VPS13B: variants seen among roughly 807,000 people sequenced by gnomAD.
VPS13B encodes vacuolar protein sorting 13 homolog B.
Under a neutral mutation model 426.4 loss-of-function variants are expected in VPS13B, and 285 were observed. That is an observed-to-expected ratio of 0.67 (90% CI 0.61 to 0.74). VPS13B has a LOEUF of 0.74. Among genes scored for constraint, VPS13B ranks in the 30% least tolerant of loss-of-function variants. The pLI is 0.00. For synonymous variants in VPS13B, 1,676 were observed against 1,676.4 expected, an observed-to-expected ratio of 1.00 and a Z score of 0.01; for missense variants, 4,537 against 4,782.6, an observed-to-expected ratio of 0.95 and a Z score of 1.51.
At chr8:99,225,328 G>A (rs1017820243) in intron 17 of VPS13B, among the ~76,000 whole-genome samples, 1 of 151,486 alleles carries the variant, frequency 6.6e-6, no homozygotes, top group Non-Finnish European at 1.5e-5. Context: ...CGCCCAGGCT[G>A]GAGTGCAGTG....
chr8:99,575,579 A>T (rs1825738418), intron 31 of VPS13B, 79 bp from the exon 32 acceptor site: 23 of 1,579,684 alleles, frequency 1.5e-5, no homozygotes, highest in Non-Finnish European at 1.9e-5. Context: ...TGTTTGTAGT[A>T]CAAAGACTTG....
chr8:99,267,898 A>G (rs1480634614), intron 17 of VPS13B, among the ~76,000 whole-genome samples: 1 of 152,044 alleles, frequency 6.6e-6, no homozygotes, highest in Non-Finnish European at 1.5e-5. Context: ...ATCACAGGCC[A>G]GGAGGTCTAG....
intron 35 of VPS13B, among the ~76,000 whole-genome samples, chr8:99,693,232 G>A (rs1041506376): frequency 2.6e-5 from 4 of 151,004 alleles, no homozygotes; most frequent in African/African-American, 4.9e-5. Context: ...GCCGGGCAGA[G>A]ACACAACCAA....
intron 7 of VPS13B, among the ~76,000 whole-genome samples, chr8:99,117,563 T>C (rs1380659953): frequency 2.6e-5 from 4 of 152,174 alleles, no homozygotes; most frequent in Non-Finnish European, 5.9e-5. Context: ...AACTGATGAA[T>C]GGATTATCAA....
intron 2 of VPS13B, among the ~76,000 whole-genome samples, chr8:99,034,675 T>G (rs1394831011): frequency 1.3e-5 from 2 of 152,196 alleles, no homozygotes; most frequent in Non-Finnish European, 2.9e-5. Flanking sequence ...TGTTAATTTT[T>G]GGGCTGGTTT....
chr8:99,672,111 T>A (rs965398703), intron 35 of VPS13B, among the ~76,000 whole-genome samples: 10 of 152,214 alleles, frequency 6.6e-5, no homozygotes, highest in African/African-American at 2.4e-4. Context: ...CAGGGTCTTT[T>A]ATGGTTCCAC....
intron 13 of VPS13B, among the ~76,000 whole-genome samples, chr8:99,145,694 A>G (rs1175476321): frequency 6.6e-6 from 1 of 152,210 alleles, no homozygotes; most frequent in Non-Finnish European, 1.5e-5. Context: ...GTATACATAT[A>G]CTATAGTTTG....
rs112785599 is a variant in VPS13B at position 99,853,854 on chromosome 8, A to G, written c.10465A>G (p.Ser3489Gly). ...TTGCATCACCTTAAATGAAGGCAAG[A>G]GCATCCTCTGTGATATTAATGAGTT... ...KLCITLNEGK[S>G]ILCDINEFSF... The change falls in exon 56 of 62, where the codon AGC becomes GGC. Residue 3489 changes from serine to glycine, a missense_variant. Ser to Gly is a moderately conservative substitution (Grantham distance 56). This residue lies in a region of VPS13B where 4,311 missense variants were observed against 4,474.3 expected (regional missense o/e 0.96). Transcript: ENST00000357162. 6.2e-7 allele frequency: 1 copy of G among 1,614,244 alleles called. No homozygotes were observed. The highest frequency in any genetic ancestry group is 8.5e-7 in the Non-Finnish European group (1 of 1,180,050).
chr8:99,118,964 A>G (rs1054018223), intron 7 of VPS13B, among the ~76,000 whole-genome samples: 4 of 152,270 alleles, frequency 2.6e-5, no homozygotes, highest in East Asian at 3.9e-4. Context: ...ACTTTTTTCA[A>G]TGTGGTTGTA....
At position 99,111,596 on chromosome 8, in the gene VPS13B, G is replaced by A. The variant is rs72670283; in HGVS notation, c.762+317G>A. On this transcript the variant is annotated intron_variant, in intron 6 of 61. Transcript: ENST00000357162. ...AAAAGGTATATTTATACCCACAGTG[G>A]ACTGCATATCAGTATTCTGTATTTC... is the stretch of plus-strand genomic sequence containing the variant. Among the ~76,000 whole-genome samples, 770 of 151,950 alleles carry A rather than the reference G, an allele frequency of 5.1e-3. 4 individuals are homozygous for A. Among genetic ancestry groups the A allele is most frequent in the Non-Finnish European group, 8.2e-3 (554 of 67,930 alleles).
intron 34 of VPS13B, 127 bp from the exon 35 acceptor site, chr8:99,661,227 T>C (rs1830211083): frequency 8.4e-7 from 1 of 1,186,020 alleles, no homozygotes; most frequent in Non-Finnish European, 1.2e-6. Flanking sequence ...CACAAACAAA[T>C]GAAACAATGA....
intron 39 of VPS13B, among the ~76,000 whole-genome samples, chr8:99,763,135 C>CAAAAAAAAAAAAAAA (rs750289763): frequency 2.2e-4 from 8 of 35,834 alleles, no homozygotes; most frequent in African/African-American, 1.1e-3. Context: ...GACCTTGTCT[C>CAAAAAAAAAAAAAAA]AAAAAAAAAA....
At chr8:99,766,633 C>T (rs886618622) in intron 39 of VPS13B, 141 bp from the exon 40 acceptor site, 2 of 719,052 alleles carry the variant, frequency 2.8e-6, no homozygotes, top group Non-Finnish European at 4.4e-6. Context: ...AAAAGAAATC[C>T]TAAACTACTG....
At chr8:99,051,429 G>A (rs199505047) in intron 3 of VPS13B, among the ~76,000 whole-genome samples, 3 of 151,446 alleles carry the variant, frequency 2.0e-5, no homozygotes, top group Non-Finnish European at 4.4e-5. Flanking sequence ...TTTGGTTACT[G>A]TAGCCTTGTA....
At chr8:99,055,872 G>A (rs1269070447) in intron 3 of VPS13B, among the ~76,000 whole-genome samples, 1 of 150,968 alleles carries the variant, frequency 6.6e-6, no homozygotes, top group African/African-American at 2.4e-5. Context: ...TGGGACCACG[G>A]GCACATGCCA....
rs778364314 is a variant in VPS13B, at chr8:99,661,483, A to G, written c.6038A>G (p.Asn2013Ser). ...FITLQIKDFL[N>S]GPADVNLDIS... is the part of the protein sequence containing the mutation. ...ACACTACAGATTAAAGACTTTCTGA[A>G]TGGACCAGGTAAGAAAGTCATAAAA... The change falls in exon 35 of 62, where the codon AAT (asparagine) becomes AGT (serine). Residue 2013 changes from asparagine (N) to serine (S), a missense_variant. This residue lies in a region of VPS13B where 4,311 missense variants were observed against 4,474.3 expected (regional missense o/e 0.96). Coordinates refer to ENST00000357162, the MANE Select transcript of VPS13B (RefSeq NM_152564.5). 4 of 1,612,964 alleles carry G rather than the reference A, an allele frequency of 2.5e-6. No homozygotes were observed. The highest frequency in any genetic ancestry group is 3.4e-6 in the Non-Finnish European group (4 of 1,179,722).
In VPS13B at chr8:99,776,885, C is replaced by A; in HGVS notation, c.7358C>A (p.Ser2453Tyr). The A allele has an allele frequency of 6.2e-7, 1 of 1,614,078 alleles. No homozygotes were observed. The highest frequency in any genetic ancestry group is 8.5e-7 in the Non-Finnish European group (1 of 1,179,974). The change falls in exon 41 of 62, where the codon TCC (serine) becomes TAC (tyrosine). Residue 2453 changes from serine to tyrosine, a missense_variant. Around this residue, in one of 2 missense-constraint regions of VPS13B, gnomAD observed 4,311 missense variants for 4,474.3 expected, o/e 0.96. Coordinates refer to ENST00000357162, the MANE Select transcript of VPS13B (RefSeq NM_152564.5). ...DSCFTPWFVP[S>Y]LCVSFQFAHL... ...TGCTTTACCCCATGGTTTGTCCCATCCCTTTGCGTTTCTTTCCAGTTTGCT... is the reference window on the plus strand; with the variant it reads ...TGCTTTACCCCATGGTTTGTCCCATACCTTTGCGTTTCTTTCCAGTTTGCT...
At chr8:99,372,210 C>T (rs1216054266) in intron 19 of VPS13B, among the ~76,000 whole-genome samples, 1 of 150,354 alleles carries the variant, frequency 6.7e-6, no homozygotes, top group Non-Finnish European at 1.5e-5. Context: ...CGAGATTGCG[C>T]CACTGCACTC....
At position 99,111,096 on chromosome 8, in the gene VPS13B, A is replaced by G. The variant is rs1390493433; in HGVS notation, c.581-2A>G. 1 of 1,592,554 alleles carries G rather than the reference A, an allele frequency of 6.3e-7. No homozygotes were observed. Among genetic ancestry groups the G allele is most frequent in the Non-Finnish European group, 8.5e-7 (1 of 1,169,920 alleles). ...ACTTAAAATGTTTTTTTTTCTTTTT[A>G]GCAACTGATTTGGTGCTGAGAAAGG... is the stretch of plus-strand genomic sequence containing the variant. On this transcript the variant is annotated splice_acceptor_variant, in intron 5 of 61. Coordinates refer to ENST00000357162, the MANE Select transcript of VPS13B (RefSeq NM_152564.5). LOFTEE classifies it high-confidence loss of function.
Sources: allele counts gnomAD v4.1 joint callset (sites outside exome capture counted in the v4.1 genomes callset), GRCh38; gene constraint gnomAD v4.1.1; regional missense constraint gnomAD v4.1.1; transcripts MANE v1.5; gene names NCBI Gene and HGNC (gene_info 2026-07-23, HGNC 2026-07-21).